PRDM5: variants seen among roughly 807,000 people sequenced by gnomAD.
PRDM5 encodes PR domain zinc finger protein 5.
A neutral mutation model predicts 81.2 loss-of-function variants in PRDM5; 56 were observed. That is an observed-to-expected ratio of 0.69 (90% confidence interval 0.56 to 0.86). The LOEUF is 0.86. PRDM5 is among the 40% of genes least tolerant of loss of function. The pLI is 0.00. For missense variants in PRDM5, 697 were observed against 770.1 expected (o/e 0.91, Z 1.12); for synonymous variants, 267 against 256.4 (o/e 1.04, Z -0.39).
At chr4:120,758,489 AAG>A (rs1169066818) in intron 13 of PRDM5, among the ~76,000 whole-genome samples, 4 of 152,176 alleles carry the variant, frequency 2.6e-5, no homozygotes, top group Admixed American at 2.6e-4. Context: ...TCCTCATAAA[AAG>A]ATGGCCTTGT....
intron 2 of PRDM5, among the ~76,000 whole-genome samples, chr4:120,873,283 C>T (rs1461928096): frequency 1.3e-5 from 2 of 152,106 alleles, no homozygotes; most frequent in Admixed American, 6.6e-5. Flanking sequence ...GCATTACAGG[C>T]GTGAGCCACC....
intron 14 of PRDM5, among the ~76,000 whole-genome samples, chr4:120,737,127 G>C (rs1741231249): frequency 6.6e-6 from 1 of 152,160 alleles, no homozygotes. Flanking sequence ...TAGGGTGAGA[G>C]TGGCTTCATC....
intron 15 of PRDM5, 152 bp from the exon 16 acceptor site, chr4:120,695,427 C>A: frequency 1.2e-6 from 1 of 834,892 alleles, no homozygotes; most frequent in East Asian, 2.7e-5. Flanking sequence ...CTTTTCCCAG[C>A]TGCTGGATTT....
At chr4:120,794,082 C>G (rs1750992668) in intron 10 of PRDM5, among the ~76,000 whole-genome samples, 1 of 152,214 alleles carries the variant, frequency 6.6e-6, no homozygotes. Context: ...GTGGTTCCTT[C>G]TGTCAGATTC....
chr4:120,799,848 C>T, intron 8 of PRDM5, 103 bp from the exon 9 acceptor site: 1 of 1,524,248 alleles, frequency 6.6e-7, no homozygotes, highest in Non-Finnish European at 8.8e-7. Context: ...CACTGCAATA[C>T]CCAAACTATA....
intron 14 of PRDM5, among the ~76,000 whole-genome samples, chr4:120,754,224 T>C (rs1395220102): frequency 6.6e-6 from 1 of 152,212 alleles, no homozygotes; most frequent in South Asian, 2.1e-4. Context: ...TTCCTATTAC[T>C]GGTGAATATT....
intron 2 of PRDM5, among the ~76,000 whole-genome samples, chr4:120,859,209 CTTTT>C (rs373788259): frequency 7.4e-6 from 1 of 134,722 alleles, no homozygotes; most frequent in African/African-American, 3.0e-5. Flanking sequence ...ACCATGTCAA[CTTTT>C]TTTTTTTTTT....
chr4:120,695,302 AT>A, intron 15 of PRDM5, 27 bp from the exon 16 acceptor site: 1 of 1,612,200 alleles, frequency 6.2e-7, no homozygotes, highest in Non-Finnish European at 8.5e-7. Flanking sequence ...GACCAACCAT[AT>A]TATACTGAAA....
At chr4:120,787,019 C>T (rs1749853044) in intron 10 of PRDM5, among the ~76,000 whole-genome samples, 1 of 152,094 alleles carries the variant, frequency 6.6e-6, no homozygotes. Context: ...AGCTTTTACA[C>T]TAGCAGAGGA....
At chr4:120,909,843 C>A (rs1579211230) in intron 1 of PRDM5, among the ~76,000 whole-genome samples, 1 of 8,146 alleles carries the variant, frequency 1.2e-4, no homozygotes, top group African/African-American at 3.0e-4. Context: ...AACAATCACT[C>A]TCTATCATAA....
At chr4:120,872,516 C>T (rs921570005) in intron 2 of PRDM5, among the ~76,000 whole-genome samples, 2 of 151,924 alleles carry the variant, frequency 1.3e-5, no homozygotes, top group African/African-American at 2.4e-5. Context: ...CCTTAGAGGC[C>T]GAGGCAGGAG....
At chr4:120,845,919 T>G (rs186159113) in intron 3 of PRDM5, among the ~76,000 whole-genome samples, 1 of 152,146 alleles carries the variant, frequency 6.6e-6, no homozygotes, top group Non-Finnish European at 1.5e-5. Context: ...ATGGATGACT[T>G]TGAGGTGTTC....
chr4:120,886,947 CTT>C (rs34889092), intron 2 of PRDM5, among the ~76,000 whole-genome samples: 19 of 142,542 alleles, frequency 1.3e-4, no homozygotes, highest in Admixed American at 2.1e-4. Context: ...TCTTCTCTTT[CTT>C]TTTTTTTTTT....
intron 3 of PRDM5, among the ~76,000 whole-genome samples, chr4:120,843,529 C>G (rs1758296063): frequency 6.6e-6 from 1 of 151,722 alleles, no homozygotes; most frequent in African/African-American, 2.4e-5. Context: ...AATGCAAGAC[C>G]CCATCTCTAC....
intron 10 of PRDM5, among the ~76,000 whole-genome samples, chr4:120,785,975 G>A (rs866411250): frequency 1.8e-4 from 27 of 151,824 alleles, no homozygotes; most frequent in African/African-American, 4.8e-4. Context: ...AAACCCATTC[G>A]GCACAAATCA....
intron 2 of PRDM5, among the ~76,000 whole-genome samples, chr4:120,902,722 C>T (rs1765355583): frequency 6.6e-6 from 1 of 152,134 alleles, no homozygotes; most frequent in African/African-American, 2.4e-5. Context: ...ATTAAAGACC[C>T]ACAACACTCA....
downstream of PRDM5, among the ~76,000 whole-genome samples, chr4:120,689,782 T>C (rs1222503942): frequency 2.6e-5 from 4 of 151,904 alleles, no homozygotes; most frequent in Admixed American, 2.6e-4. Flanking sequence ...ACCCAGCTAA[T>C]TTTTGTATTT....
At chr4:120,849,931 T>C (rs2149411351) in intron 3 of PRDM5, among the ~76,000 whole-genome samples, 1 of 152,270 alleles carries the variant, frequency 6.6e-6, no homozygotes, top group African/African-American at 2.4e-5. Context: ...AACATACAGT[T>C]AAATGATTAT....
At chr4:120,705,983 G>T (rs1282351620) in intron 15 of PRDM5, among the ~76,000 whole-genome samples, 1 of 152,064 alleles carries the variant, frequency 6.6e-6, no homozygotes, top group South Asian at 2.1e-4. Flanking sequence ...TAGAGATGGT[G>T]GTATGTTTGA....
Sources: gnomAD v4.1 joint callset for allele counts (sites outside exome capture counted in the v4.1 genomes callset) on GRCh38, gnomAD v4.1.1 for gene constraint, MANE v1.5 for transcripts, NCBI Gene and HGNC (gene_info 2026-07-23, HGNC 2026-07-21) for gene names.